The following DNAH9 variants were observed in gnomAD, a reference collection of about 807,000 sequenced individuals.
DNAH9 encodes DNAH9 variant protein.
In DNAH9, 345 loss-of-function variants were observed where a neutral mutation model predicts 471.6. The ratio of observed to expected loss-of-function variants is 0.73; its 90% CI spans 0.67 to 0.80. The LOEUF (loss-of-function observed/expected upper bound fraction) is 0.80, where lower values mean the gene tolerates loss of function less well. Among genes scored for constraint, DNAH9 ranks in the 30% least tolerant of loss-of-function variants. The probability of loss-of-function intolerance (pLI) is 0.00; values close to 1 mark genes in which losing one functional copy is unlikely to be tolerated. For missense variants in DNAH9, 5,407 were observed against 5,609.2 expected (o/e 0.96, Z 1.15); for synonymous variants, 2,093 against 2,123.6 (o/e 0.99, Z 0.40).
intron 31 of DNAH9, among the ~76,000 whole-genome samples, chr17:11,746,251 A>T (rs945391178): frequency 6.6e-6 from 1 of 152,286 alleles, no homozygotes; most frequent in African/African-American, 2.4e-5. Context: ...GAAACTTACA[A>T]TCATGGCAGA....
At chr17:11,907,776 TTAAAAA>T (rs1003040072) in intron 61 of DNAH9, among the ~76,000 whole-genome samples, 3 of 152,074 alleles carry the variant, frequency 2.0e-5, no homozygotes, top group Non-Finnish European at 4.4e-5. Context: ...TAGAGAAGAA[TTAAAAA>T]TGAAAAGCAA....
chr17:11,807,883 C>T lies in DNAH9; in HGVS notation c.8572C>T (p.Gln2858Ter). Residue 2858 changes from glutamine (Q) to a stop codon, truncating the protein, a stop_gained, in exon 44 of 69, where the codon CAG becomes TAG. Transcript: ENST00000262442. LOFTEE classifies it high-confidence loss of function. ...QITLRKGYQI[Q>*]DFKMDLASLC... is the part of the protein sequence containing the mutation. ...CACACTGCGCAAAGGCTACCAGATCCAGGACTTCAAGGTAAAAGGTCAGGC... is the reference window on the plus strand; with the variant it reads ...CACACTGCGCAAAGGCTACCAGATCTAGGACTTCAAGGTAAAAGGTCAGGC... 6.2e-7 allele frequency: 1 copy of T among 1,604,982 alleles called. No individual in the cohort carries two copies. The highest frequency in any genetic ancestry group is 1.1e-5 in the South Asian group (1 of 90,666).
intron 53 of DNAH9, among the ~76,000 whole-genome samples, chr17:11,876,855 C>T (rs1288285838): frequency 6.6e-6 from 1 of 151,984 alleles, no homozygotes; most frequent in African/African-American, 2.4e-5. Flanking sequence ...TCCTGAGTAG[C>T]TGGGACTACA....
At chr17:11,728,761 T>C (rs1373717501) in intron 28 of DNAH9, among the ~76,000 whole-genome samples, 1 of 152,190 alleles carries the variant, frequency 6.6e-6, no homozygotes, top group Non-Finnish European at 1.5e-5. Context: ...GCACTTTTCA[T>C]ACATCATCTT....
chr17:11,805,973 C>G (rs1371031201), intron 43 of DNAH9, among the ~76,000 whole-genome samples: 2 of 152,224 alleles, frequency 1.3e-5, no homozygotes, highest in Admixed American at 6.5e-5. Flanking sequence ...CTCAGGTGAT[C>G]CTCCTGCCTC....
chr17:11,701,358 C>T, intron 24 of DNAH9, 111 bp downstream of exon 24: 1 of 1,249,946 alleles, frequency 8.0e-7, no homozygotes, highest in Non-Finnish European at 1.1e-6. Context: ...GCTTCACAGC[C>T]AGGGAGGCTT....
chr17:11,707,959 CCACACACA>C (rs756020074), intron 26 of DNAH9, among the ~76,000 whole-genome samples: 321 of 106,508 alleles, frequency 3.0e-3, no homozygotes, highest in African/African-American at 1.0e-2. Context: ...GCCTCTCCCA[CCACACACA>C]CACACACACA....
intron 28 of DNAH9, among the ~76,000 whole-genome samples, chr17:11,735,787 T>C (rs2075337438): frequency 6.6e-6 from 1 of 152,198 alleles, no homozygotes. Context: ...CTCTAAATTA[T>C]AACAAACATG....
At chr17:11,965,461 A>G (rs1976622666) in intron 68 of DNAH9, among the ~76,000 whole-genome samples, 2 of 152,250 alleles carry the variant, frequency 1.3e-5, no homozygotes, top group Non-Finnish European at 2.9e-5. Flanking sequence ...ATCAGTTCAG[A>G]AAAGTCACTA....
Position 11,928,217 on chromosome 17 carries a change from C to T in DNAH9, c.11878-1649C>T, listed in dbSNP as rs541025420. Among the ~76,000 whole-genome samples the T allele has an allele frequency of 2.2e-4, 33 of 152,090 alleles. 1 individual carries two copies. In the South Asian group the frequency reaches 2.9e-3, roughly 13 times the overall value. On this transcript the variant is annotated intron_variant, in intron 62 of 68. Transcript: ENST00000262442. ...AACTCCTGGCCTCAAGCAATCCACC[C>T]GCCTTGGCCTCCCAAAGTGCTGGGA...
At chr17:11,876,280 T>G (rs75607356) in intron 53 of DNAH9, among the ~76,000 whole-genome samples, 14,594 of 152,050 alleles carry the variant, frequency 0.096, 1,126 homozygotes, top group East Asian at 0.43. Context: ...AGAGCATAAT[T>G]AGATTGTGAT....
chr17:11,688,063 G>A (rs539471044), intron 19 of DNAH9, among the ~76,000 whole-genome samples: 2 of 141,794 alleles, frequency 1.4e-5, no homozygotes, highest in Admixed American at 7.3e-5. Flanking sequence ...GAACCCGGGA[G>A]GCGGAGATTG....
intron 61 of DNAH9, 140 bp downstream of exon 61, chr17:11,905,949 G>A (rs1973583348): frequency 8.5e-7 from 1 of 1,174,064 alleles, no homozygotes; most frequent in Admixed American, 3.2e-5. Context: ...GGTCATTGCT[G>A]AAATAAAATC....
rs1312995280 is a variant in DNAH9, at chr17:11,932,878, C to G, written c.12297+673C>G. Among the ~76,000 whole-genome samples, 1 of 152,216 alleles carries G rather than the reference C, an allele frequency of 6.6e-6. No individual in the cohort carries two copies. Among genetic ancestry groups the G allele is most frequent in the Non-Finnish European group, 1.5e-5 (1 of 68,042 alleles). ...CACTCGCCTGATATAAGTTCCCAAA[C>G]TTCGCTAACAATCAGTGCTCTTCCA... On this transcript the variant is annotated intron_variant, in intron 64 of 68. Coordinates refer to ENST00000262442, the MANE Select transcript of DNAH9 (RefSeq NM_001372.4). The surrounding 1 kb of genome is among the most constrained non-coding windows in gnomAD (Gnocchi z 4.3).
chr17:11,958,172 C>T (rs1437732013), intron 67 of DNAH9, among the ~76,000 whole-genome samples: 1 of 152,150 alleles, frequency 6.6e-6, no homozygotes, highest in Non-Finnish European at 1.5e-5. Flanking sequence ...GAAAAGGCTA[C>T]ATACTGTATT....
intron 26 of DNAH9, among the ~76,000 whole-genome samples, chr17:11,709,080 G>T (rs970547173): frequency 6.6e-6 from 1 of 152,106 alleles, no homozygotes; most frequent in East Asian, 1.9e-4. Context: ...CTTCGCAGTC[G>T]CCCAGGAATT....
intron 67 of DNAH9, among the ~76,000 whole-genome samples, chr17:11,949,326 G>A (rs933743816): frequency 1.3e-5 from 2 of 152,158 alleles, no homozygotes; most frequent in Non-Finnish European, 2.9e-5. Flanking sequence ...TTTCTTGAGC[G>A]AAGGGTCCAG....
intron 45 of DNAH9, among the ~76,000 whole-genome samples, chr17:11,810,877 G>C (rs1969873326): frequency 6.6e-6 from 1 of 152,202 alleles, no homozygotes; most frequent in African/African-American, 2.4e-5. Context: ...GTTCCACATA[G>C]TTTTCCTTGG....
Position 11,731,143 on chromosome 17 carries a change from G to A in DNAH9, c.5814+3221G>A, listed in dbSNP as rs532878894. On this transcript the variant is annotated intron_variant, in intron 28 of 68. Transcript: ENST00000262442. Reference sequence around the variant, plus strand: ...GGCAGTGATGACGTTGATAATGACAGTGATGATGATGGCAGTGATTATAAT... The same window carrying A: ...GGCAGTGATGACGTTGATAATGACAATGATGATGATGGCAGTGATTATAAT... Among the ~76,000 whole-genome samples the A allele has an allele frequency of 4.6e-5, 7 of 151,642 alleles. No homozygotes were observed. The East Asian group carries it at 1.2e-3, about 25-fold the overall frequency.
Sources: allele counts gnomAD v4.1 joint callset (sites outside exome capture counted in the v4.1 genomes callset), GRCh38; gene constraint gnomAD v4.1.1; non-coding constraint Gnocchi (gnomAD v3.1); transcripts MANE v1.5; gene names NCBI Gene and HGNC (gene_info 2026-07-23, HGNC 2026-07-21).